Variants in STXBP6 observed in about 807,000 individuals in gnomAD.
STXBP6 encodes syntaxin binding protein 6.
A neutral mutation model predicts 26.9 loss-of-function variants in STXBP6; 21 were observed. The observed-to-expected ratio is 0.78, with a 90% CI of 0.55 to 1.12. The LOEUF is 1.12. Ranked by LOEUF, STXBP6 falls within the 50% of genes most tolerant of loss-of-function variation. The pLI is 0.00. For synonymous variants in STXBP6, 97 were observed against 92.6 expected (o/e 1.05, Z -0.27); for missense variants, 232 against 257.9 (o/e 0.90, Z 0.69).
At chr14:24,921,570 T>G (rs1030197850) in intron 2 of STXBP6, among the ~76,000 whole-genome samples, 2 of 152,126 alleles carry the variant, frequency 1.3e-5, no homozygotes, top group Non-Finnish European at 2.9e-5. Flanking sequence ...CTCATCCAAT[T>G]CAAGGCTTAG....
chr14:24,970,280 T>C (rs1273371971), intron 2 of STXBP6, among the ~76,000 whole-genome samples: 1 of 152,076 alleles, frequency 6.6e-6, no homozygotes, highest in Non-Finnish European at 1.5e-5. Context: ...TTTATTTATA[T>C]ATAATAAAAT....
At chr14:24,901,738 G>T (rs2071220499) in intron 2 of STXBP6, among the ~76,000 whole-genome samples, 1 of 152,076 alleles carries the variant, frequency 6.6e-6, no homozygotes, top group Admixed American at 6.6e-5. Flanking sequence ...CGTACTGAAT[G>T]AAAGAAATCA....
chr14:24,884,465 T>C (rs2070493272), intron 2 of STXBP6, among the ~76,000 whole-genome samples: 1 of 152,202 alleles, frequency 6.6e-6, no homozygotes, highest in Non-Finnish European at 1.5e-5. Context: ...TTGACTCATT[T>C]TCCAGCGGAC....
At chr14:24,879,017 C>T (rs2070253252) in intron 2 of STXBP6, among the ~76,000 whole-genome samples, 2 of 152,038 alleles carry the variant, frequency 1.3e-5, no homozygotes, top group African/African-American at 4.8e-5. Context: ...AGCCTATTGA[C>T]AGCCTATAAA....
intron 2 of STXBP6, 41 bp downstream of exon 2, chr14:24,974,624 T>C (rs2073994255): frequency 6.6e-7 from 1 of 1,504,772 alleles, no homozygotes; most frequent in African/African-American, 1.4e-5. Flanking sequence ...TGTTTTAAAA[T>C]GGAAGTTATT....
chr14:25,001,688 T>A (rs1172732140), intron 1 of STXBP6, among the ~76,000 whole-genome samples: 6 of 152,294 alleles, frequency 3.9e-5, no homozygotes, highest in Admixed American at 2.0e-4. Flanking sequence ...ATTCCTTGTC[T>A]GATAATTCCA....
intron 4 of STXBP6, among the ~76,000 whole-genome samples, chr14:24,844,382 A>G (rs1484478808): frequency 6.6e-6 from 1 of 152,168 alleles, no homozygotes; most frequent in Admixed American, 6.5e-5. Flanking sequence ...GATCATGGGA[A>G]CCTCCAATTT....
intron 1 of STXBP6, among the ~76,000 whole-genome samples, chr14:25,006,581 A>C (rs1427619580): frequency 1.3e-5 from 2 of 152,188 alleles, no homozygotes; most frequent in African/African-American, 4.8e-5. Context: ...CCTCTGCTTC[A>C]AGCAAGGGAG....
At chr14:24,960,055 C>A (rs898374030) in intron 2 of STXBP6, among the ~76,000 whole-genome samples, 11 of 152,190 alleles carry the variant, frequency 7.2e-5, no homozygotes, top group Non-Finnish European at 1.6e-4. Context: ...GAAAGGAGAA[C>A]CATCATTTGC....
chr14:25,003,221 TAAAG>T (rs1241100774), intron 1 of STXBP6, among the ~76,000 whole-genome samples: 3 of 152,080 alleles, frequency 2.0e-5, no homozygotes, highest in Non-Finnish European at 4.4e-5. Flanking sequence ...AGCCTAAAAA[TAAAG>T]GAAGCTGTAG....
intron 5 of STXBP6, among the ~76,000 whole-genome samples, chr14:24,818,643 C>T (rs894432683): frequency 6.6e-6 from 1 of 152,166 alleles, no homozygotes; most frequent in Non-Finnish European, 1.5e-5. Context: ...GATGGAAAAG[C>T]AAGCACGAGC....
At chr14:24,925,095 C>G (rs1387153527) in intron 2 of STXBP6, among the ~76,000 whole-genome samples, 3 of 152,212 alleles carry the variant, frequency 2.0e-5, no homozygotes, top group African/African-American at 4.8e-5. Context: ...CTTTCAAAAT[C>G]TGTGACATGT....
chr14:24,985,511 G>A (rs2074308483), intron 1 of STXBP6, among the ~76,000 whole-genome samples: 1 of 152,152 alleles, frequency 6.6e-6, no homozygotes, highest in South Asian at 2.1e-4. Flanking sequence ...CCCCCACTCT[G>A]GCATTTCAAA....
chr14:24,937,237 T>G (rs960104002), intron 2 of STXBP6, among the ~76,000 whole-genome samples: 1 of 152,156 alleles, frequency 6.6e-6, no homozygotes, highest in African/African-American at 2.4e-5. Flanking sequence ...TGTATACCCA[T>G]GTAACAAACC....
chr14:25,036,795 G>T (rs1279636598), intron 1 of STXBP6, among the ~76,000 whole-genome samples: 2 of 147,468 alleles, frequency 1.4e-5, no homozygotes, highest in African/African-American at 5.1e-5. Context: ...GGCGGAGCTT[G>T]CAGTGAGCCA....
At chr14:24,911,713 G>T (rs528748290) in intron 2 of STXBP6, among the ~76,000 whole-genome samples, 3 of 152,262 alleles carry the variant, frequency 2.0e-5, no homozygotes, top group Admixed American at 2.0e-4. Flanking sequence ...TTCTCAGAGT[G>T]TTCCAAACCT....
chr14:24,830,931 A>G (rs942646353), intron 4 of STXBP6, among the ~76,000 whole-genome samples: 1 of 152,220 alleles, frequency 6.6e-6, no homozygotes, highest in Admixed American at 6.5e-5. Flanking sequence ...AGAGGCAGCT[A>G]TAAGAGTGTT....
intron 2 of STXBP6, among the ~76,000 whole-genome samples, chr14:24,908,310 C>T (rs2071453130): frequency 6.6e-6 from 1 of 152,204 alleles, no homozygotes; most frequent in African/African-American, 2.4e-5. Context: ...TCTGTGCTTT[C>T]ACTTGGCCCA....
At chr14:24,986,720 T>G (rs1238558228) in intron 1 of STXBP6, among the ~76,000 whole-genome samples, 1 of 152,216 alleles carries the variant, frequency 6.6e-6, no homozygotes, top group Non-Finnish European at 1.5e-5. Flanking sequence ...AACACTGGAA[T>G]TATCCTGATT....
Sources: allele counts gnomAD v4.1 joint callset (sites outside exome capture counted in the v4.1 genomes callset), GRCh38; gene constraint gnomAD v4.1.1; transcripts MANE v1.5; gene names NCBI Gene and HGNC (gene_info 2026-07-23, HGNC 2026-07-21).